NRG3: variants seen among roughly 807,000 people sequenced by gnomAD.
The protein encoded by NRG3 is neuregulin 3.
NRG3 carries 31 observed loss-of-function variants against 66.9 expected under a neutral mutation model. The ratio of observed to expected loss-of-function variants is 0.46; its 90% CI spans 0.35 to 0.63. The LOEUF is 0.63. Among genes scored for constraint, NRG3 ranks in the 20% least tolerant of loss-of-function variants. The probability of loss-of-function intolerance (pLI) is 0.00; values close to 1 mark genes in which losing one functional copy is unlikely to be tolerated. For synonymous variants in NRG3, 393 were observed against 359.4 expected, an observed-to-expected ratio of 1.09 and a Z score of -1.06; for missense variants, 910 against 878.9, an observed-to-expected ratio of 1.04 and a Z score of -0.45.
At chr10:81,911,652 C>T (rs1402660766) in intron 1 of NRG3, among the ~76,000 whole-genome samples, 1 of 116,858 alleles carries the variant, frequency 8.6e-6, no homozygotes, top group African/African-American at 3.4e-5. Context: ...AGGAAGAACA[C>T]TTTTCCTTCA....
At chr10:82,504,600 C>T (rs1328092695) in intron 2 of NRG3, among the ~76,000 whole-genome samples, 4 of 152,138 alleles carry the variant, frequency 2.6e-5, no homozygotes, top group Non-Finnish European at 5.9e-5. Flanking sequence ...TATTTCCCCA[C>T]AGGTGTTTGT....
At chr10:81,960,436 C>CAT (rs2133269529) in intron 1 of NRG3, among the ~76,000 whole-genome samples, 1 of 152,118 alleles carries the variant, frequency 6.6e-6, no homozygotes, top group Non-Finnish European at 1.5e-5. Flanking sequence ...AGTTAGTTTG[C>CAT]ATTTTCTGAT....
At chr10:82,828,631 AT>A (rs760184925) in intron 3 of NRG3, among the ~76,000 whole-genome samples, 1 of 152,232 alleles carries the variant, frequency 6.6e-6, no homozygotes, top group Non-Finnish European at 1.5e-5. Flanking sequence ...AGTTATAGAC[AT>A]TTGTTTGAAT....
At chr10:81,992,780 T>C (rs1037722576) in intron 1 of NRG3, among the ~76,000 whole-genome samples, 2 of 152,156 alleles carry the variant, frequency 1.3e-5, no homozygotes, top group Non-Finnish European at 2.9e-5. Flanking sequence ...TGATCCAATA[T>C]AGACATTCTC....
chr10:82,331,389 A>G (rs2082127740), intron 1 of NRG3, among the ~76,000 whole-genome samples: 1 of 152,190 alleles, frequency 6.6e-6, no homozygotes, highest in African/African-American at 2.4e-5. Flanking sequence ...GGACCACACT[A>G]TAAAAATTCC....
chr10:82,127,741 C>T (rs1180588019), intron 1 of NRG3, among the ~76,000 whole-genome samples: 1 of 151,924 alleles, frequency 6.6e-6, no homozygotes, highest in African/African-American at 2.4e-5. Flanking sequence ...AGGGTGGACT[C>T]CTTAGCCCAC....
At chr10:82,230,161 A>T (rs1344737545) in intron 1 of NRG3, 2 of 152,190 alleles carry the variant, frequency 1.3e-5, no homozygotes, top group Admixed American at 6.5e-5. Context: ...GCCCAACATT[A>T]TGAAAAAAAT....
chr10:81,988,389 G>C (rs1396666389), intron 1 of NRG3, among the ~76,000 whole-genome samples: 1 of 152,144 alleles, frequency 6.6e-6, no homozygotes, highest in Non-Finnish European at 1.5e-5. Context: ...GCCCGGCTTT[G>C]ATATATTTTC....
intron 2 of NRG3, among the ~76,000 whole-genome samples, chr10:82,359,406 G>A (rs1589842417): frequency 6.6e-6 from 1 of 152,242 alleles, no homozygotes; most frequent in Non-Finnish European, 1.5e-5. Flanking sequence ...ACACTCTCCA[G>A]CAAGAAGTTG....
intron 2 of NRG3, among the ~76,000 whole-genome samples, chr10:82,397,087 A>G (rs890319340): frequency 3.9e-5 from 6 of 152,182 alleles, no homozygotes; most frequent in African/African-American, 1.4e-4. Flanking sequence ...TCTCCCCAGC[A>G]TGGGGCAATT....
intron 1 of NRG3, among the ~76,000 whole-genome samples, chr10:81,938,687 A>G (rs1025718650): frequency 1.3e-5 from 2 of 151,240 alleles, no homozygotes; most frequent in African/African-American, 4.9e-5. Context: ...TACTTATAAA[A>G]TCATGCCATC....
chr10:82,338,585 A>T (rs1176297151), intron 1 of NRG3, among the ~76,000 whole-genome samples: 1 of 152,192 alleles, frequency 6.6e-6, no homozygotes, highest in Non-Finnish European at 1.5e-5. Flanking sequence ...TCCATGATAG[A>T]TTGTTAAATA....
chr10:82,136,183 T>A (rs183585220), intron 1 of NRG3, among the ~76,000 whole-genome samples: 26 of 152,302 alleles, frequency 1.7e-4, no homozygotes, highest in Admixed American at 7.8e-4. Context: ...TTTCTTCTCT[T>A]ACTTTCCCTC....
At chr10:82,027,924 C>T (rs973668636) in intron 1 of NRG3, among the ~76,000 whole-genome samples, 1 of 152,062 alleles carries the variant, frequency 6.6e-6, no homozygotes, top group Non-Finnish European at 1.5e-5. Context: ...TTACTCAGAT[C>T]CGGGTTGTGC....
At chr10:82,218,145 T>G (rs2075774826) in intron 1 of NRG3, among the ~76,000 whole-genome samples, 1 of 152,222 alleles carries the variant, frequency 6.6e-6, no homozygotes, top group Non-Finnish European at 1.5e-5. Flanking sequence ...ATATCACCTA[T>G]TCTATTCCAT....
intron 2 of NRG3, among the ~76,000 whole-genome samples, chr10:82,664,108 C>G (rs775692997): frequency 7.2e-5 from 11 of 152,182 alleles, no homozygotes; most frequent in African/African-American, 2.7e-4. Flanking sequence ...TTCTCTTACA[C>G]CTTTACCCCC....
At chr10:82,020,434 A>T (rs751210082) in intron 1 of NRG3, among the ~76,000 whole-genome samples, 4 of 152,066 alleles carry the variant, frequency 2.6e-5, no homozygotes, top group Non-Finnish European at 4.4e-5. Context: ...CTCACAGAGG[A>T]TACATTCTAG....
chr10:82,080,947 T>G (rs2065359575), intron 1 of NRG3, among the ~76,000 whole-genome samples: 1 of 152,202 alleles, frequency 6.6e-6, no homozygotes, highest in Admixed American at 6.5e-5. Context: ...TGTATTCTAC[T>G]TTCTGTCTCT....
chr10:82,745,789 C>T (rs1014219303), intron 3 of NRG3, among the ~76,000 whole-genome samples: 1 of 152,086 alleles, frequency 6.6e-6, no homozygotes, highest in African/African-American at 2.4e-5. Context: ...GAAAAATTTC[C>T]TATGGGTACC....
Sources: allele counts gnomAD v4.1 joint callset (sites outside exome capture counted in the v4.1 genomes callset), GRCh38; gene constraint gnomAD v4.1.1; transcripts MANE v1.5; gene names NCBI Gene and HGNC (gene_info 2026-07-23, HGNC 2026-07-21).